SLIT1: variants seen among roughly 807,000 people sequenced by gnomAD.
SLIT1 encodes the protein slit guidance ligand 1, also known as slit homolog 1 protein.
SLIT1 carries 66 observed loss-of-function variants against 186.1 expected under a neutral mutation model. That is an observed-to-expected ratio of 0.35 (90% CI 0.29 to 0.44). The LOEUF (loss-of-function observed/expected upper bound fraction) is 0.44, where lower values mean the gene tolerates loss of function less well. Ranked by LOEUF, SLIT1 falls within the 20% of genes least tolerant of loss-of-function variation. The pLI, the probability that SLIT1 is intolerant of heterozygous loss-of-function variation, is 1.00. For missense variants in SLIT1, 1,638 were observed against 2,037.4 expected, an observed-to-expected ratio of 0.80 and a Z score of 3.77; for synonymous variants, 761 against 833.8, an observed-to-expected ratio of 0.91 and a Z score of 1.50.
intron 1 of SLIT1, among the ~76,000 whole-genome samples, chr10:97,182,045 C>T (rs1355161689): frequency 1.3e-5 from 2 of 152,180 alleles, no homozygotes; most frequent in South Asian, 2.1e-4. Flanking sequence ...GGAAGCTTCC[C>T]GGGCCGCCTC....
rs1849887659 is a variant in SLIT1, at chr10:97,152,144, A to G, written c.413+5674T>C. 2.6e-5 allele frequency among the ~76,000 whole-genome samples: 4 copies of G among 152,102 alleles called. No individual in the cohort carries two copies. The South Asian group carries it at 8.3e-4, about 31-fold the overall frequency. ...AGAGGACAGAAAGCATATCTCCCAC[A>G]TCCTCAGCCCGGGCACTGACTGTGC... On this transcript the variant is annotated intron_variant, in intron 4 of 36. Coordinates refer to ENST00000266058, the MANE Select transcript of SLIT1 (RefSeq NM_003061.3).
At chr10:97,158,331 C>CTT (rs35803651) in intron 3 of SLIT1, among the ~76,000 whole-genome samples, 4 of 149,626 alleles carry the variant, frequency 2.7e-5, no homozygotes, top group African/African-American at 2.5e-5. Flanking sequence ...AGAGGTTTCA[C>CTT]TTTTTTTTTT....
At chr10:97,078,408 A>G (rs2134651672) in intron 4 of SLIT1, among the ~76,000 whole-genome samples, 1 of 152,314 alleles carries the variant, frequency 6.6e-6, no homozygotes, top group South Asian at 2.1e-4. Flanking sequence ...CTCATCAGGC[A>G]GAGACATTAA....
intron 4 of SLIT1, among the ~76,000 whole-genome samples, chr10:97,129,496 C>G (rs1324666035): frequency 6.6e-6 from 1 of 152,178 alleles, no homozygotes; most frequent in Non-Finnish European, 1.5e-5. Flanking sequence ...TTAGGACCCA[C>G]AAATGTTCAC....
chr10:97,108,872 G>C (rs1849438526), intron 4 of SLIT1, among the ~76,000 whole-genome samples: 1 of 113,016 alleles, frequency 8.8e-6, no homozygotes, highest in Admixed American at 1.3e-4. Context: ...TGGTGACAGA[G>C]TGAGTCTCAG....
At chr10:97,139,349 G>A (rs140473233) in intron 4 of SLIT1, among the ~76,000 whole-genome samples, 155 of 152,354 alleles carry the variant, frequency 1.0e-3, no homozygotes, top group South Asian at 2.5e-3. Flanking sequence ...GGCTCTCAGT[G>A]TGCTCCCCTC....
chr10:97,109,967 G>A (rs1265991637), intron 4 of SLIT1, among the ~76,000 whole-genome samples: 1 of 152,198 alleles, frequency 6.6e-6, no homozygotes, highest in Non-Finnish European at 1.5e-5. Flanking sequence ...CACCCAGGCA[G>A]TAGTTAGGAC....
Position 97,014,025 on chromosome 10 carries a change from A to G in SLIT1, c.3103T>C (p.Tyr1035His). ...GCTGCCCTGACGCACTTACCCTCAT[A>G]CTGCAGGGGGCACTGGCAGGTGTAG... ...GNYTCQCPLQ[Y>H]EGKACEQLVD... is the part of the protein sequence containing the mutation. Residue 1035 changes from tyrosine (Y) to histidine (H), a missense_variant, in exon 29 of 37, where the codon TAT becomes CAT. Tyr to His is a moderately conservative substitution (Grantham distance 83). Coordinates refer to ENST00000266058, the MANE Select transcript of SLIT1 (RefSeq NM_003061.3). 1 of 1,613,550 alleles carries G rather than the reference A, an allele frequency of 6.2e-7. No individual in the cohort carries two copies. Among genetic ancestry groups the G allele is most frequent in the South Asian group, 1.1e-5 (1 of 91,062 alleles).
chr10:97,120,718 C>A (rs1849553464), intron 4 of SLIT1, among the ~76,000 whole-genome samples: 1 of 152,176 alleles, frequency 6.6e-6, no homozygotes, highest in Non-Finnish European at 1.5e-5. Flanking sequence ...AAGAGTTCAG[C>A]ACAGTGCTTG....
In SLIT1 at chr10:97,043,138, T is replaced by C; in HGVS notation, c.1998-71A>G. 6.6e-7 allele frequency: 1 copy of C among 1,519,474 alleles called. No homozygotes were observed. Among genetic ancestry groups the C allele is most frequent in the Non-Finnish European group, 9.0e-7 (1 of 1,115,020 alleles). The allele number at this position is 1,519,474 out of a possible 1,614,324, so 94.1% of individuals were successfully genotyped here. Reference sequence around the variant, plus strand: ...CAGAGGTCCCAGCAAACCCCTCCTGTACCACGGACACAGGGCCACATGGCC... The same window carrying C: ...CAGAGGTCCCAGCAAACCCCTCCTGCACCACGGACACAGGGCCACATGGCC... On this transcript the variant is annotated intron_variant, in intron 19 of 36. Coordinates refer to ENST00000266058, the MANE Select transcript of SLIT1 (RefSeq NM_003061.3). This position sits in a 1 kb window ranked among gnomAD's most constrained non-coding sequence, Gnocchi z 7.0.
At chr10:97,037,003 C>T (rs991072102) in intron 22 of SLIT1, among the ~76,000 whole-genome samples, 7 of 151,668 alleles carry the variant, frequency 4.6e-5, no homozygotes, top group Non-Finnish European at 8.8e-5. Flanking sequence ...TCACCCTCCA[C>T]TTTTCCTGGC....
rs751995950 is a variant in SLIT1 at position 97,002,197 on chromosome 10, C to T, written c.4327G>A (p.Val1443Met). Residue 1443 changes from valine to methionine, a missense_variant, in exon 36 of 37, where the codon GTG becomes ATG. By Grantham distance (21) the Val-to-Met change is conservative. Around this residue, in one of 3 missense-constraint regions of SLIT1, gnomAD observed 220 missense variants for 211.3 expected, o/e 1.04. Transcript: ENST00000266058. ...QASGTKGAHC[V>M]CDPGFSGELC... ...TCGCCCGAAAAGCCGGGGTCACACA[C>T]ACAGTGTGCCCCCTTGGTGCCTGAG... 31 of 1,558,718 alleles carry T rather than the reference C, an allele frequency of 2.0e-5. No homozygotes were observed. The highest frequency in any genetic ancestry group is 4.1e-5 in the African/African-American group (3 of 73,576).
chr10:97,063,846 G>A (rs1002109710), intron 7 of SLIT1, among the ~76,000 whole-genome samples: 10 of 152,238 alleles, frequency 6.6e-5, no homozygotes, highest in African/African-American at 1.7e-4. Context: ...CAGCTGGACC[G>A]GAATGTACCC....
At position 97,019,103 on chromosome 10, in the gene SLIT1, A is replaced by C; in HGVS notation, c.2751T>G (p.Pro917=). Residue 917 remains proline (P), a synonymous_variant, in exon 27 of 37, where the codon CCT becomes CCG. Transcript: ENST00000266058. ...TPAKKFECQG[P]PTLAVQAKCD... ...ACTTGGCCTGGACAGCCAGCGTTGGAGGACCTGCAGCAAGGGGAGGGTGCT... is the reference window on the plus strand; with the variant it reads ...ACTTGGCCTGGACAGCCAGCGTTGGCGGACCTGCAGCAAGGGGAGGGTGCT... The C allele has an allele frequency of 6.3e-7, 1 of 1,594,570 alleles. No homozygotes were observed. Among genetic ancestry groups the C allele is most frequent in the African/African-American group, 1.3e-5 (1 of 74,548 alleles).
At chr10:97,081,083 C>T (rs1034373915) in intron 4 of SLIT1, among the ~76,000 whole-genome samples, 11 of 152,342 alleles carry the variant, frequency 7.2e-5, no homozygotes, top group Admixed American at 5.9e-4. Flanking sequence ...CTCAGGAAAG[C>T]TCATCCAGAC....
intron 25 of SLIT1, among the ~76,000 whole-genome samples, chr10:97,029,629 T>A (rs1848574542): frequency 6.6e-6 from 1 of 152,216 alleles, no homozygotes; most frequent in South Asian, 2.1e-4. Context: ...TATGGCAAAA[T>A]ATATATATCA....
At chr10:97,159,774 G>T (rs1261179457) in intron 3 of SLIT1, among the ~76,000 whole-genome samples, 4 of 152,148 alleles carry the variant, frequency 2.6e-5, no homozygotes, top group Non-Finnish European at 4.4e-5. Flanking sequence ...GTAAAGGTGG[G>T]CCTCTTTCTC....
chr10:97,152,788 C>T (rs1345058771), intron 4 of SLIT1, among the ~76,000 whole-genome samples: 1 of 152,182 alleles, frequency 6.6e-6, no homozygotes, highest in African/African-American at 2.4e-5. Context: ...TGTTTTCATG[C>T]ATTATTTAGA....
chr10:97,070,404 C>T (rs1848991814), intron 4 of SLIT1, among the ~76,000 whole-genome samples: 1 of 152,188 alleles, frequency 6.6e-6, no homozygotes, highest in South Asian at 2.1e-4. Context: ...CCTCAGTTTC[C>T]TCATTTGTCC....
Sources: gnomAD v4.1 joint callset for allele counts (sites outside exome capture counted in the v4.1 genomes callset) on GRCh38, gnomAD v4.1.1 for gene constraint, gnomAD v4.1.1 regional missense constraint, Gnocchi (gnomAD v3.1) non-coding constraint, MANE v1.5 for transcripts, NCBI Gene and HGNC (gene_info 2026-07-23, HGNC 2026-07-21) for gene names.